The following EEF1A2 variants were observed in gnomAD, a reference collection of about 807,000 sequenced individuals.
EEF1A2 encodes elongation factor 1-alpha 2.
EEF1A2 carries 5 observed loss-of-function variants against 39.3 expected under a neutral mutation model. That is an observed-to-expected ratio of 0.13 (90% CI 0.07 to 0.27). EEF1A2 has a LOEUF of 0.27. EEF1A2 is among the 10% of genes least tolerant of loss of function. The pLI, the probability that EEF1A2 is intolerant of heterozygous loss-of-function variation, is 1.00. For missense variants in EEF1A2, 218 were observed against 681.4 expected (o/e 0.32, Z 7.57); for synonymous variants, 287 against 293.7 (o/e 0.98, Z 0.23).
chr20:63,495,140 C>G (rs928592512), intron 3 of EEF1A2, 39 bp from the exon 4 acceptor site: 1 of 1,593,092 alleles, frequency 6.3e-7, no homozygotes, highest in African/African-American at 1.3e-5. Flanking sequence ...GCCCCGCCTG[C>G]CTGGCAGGGG....
chr20:63,494,531 G>A (rs2082407642), intron 4 of EEF1A2, among the ~76,000 whole-genome samples: 1 of 152,260 alleles, frequency 6.6e-6, no homozygotes, highest in African/African-American at 2.4e-5. Flanking sequence ...CCTGGTGCTG[G>A]AGGCCGCTGC....
intron 4 of EEF1A2, 30 bp downstream of exon 4, chr20:63,494,775 G>T: frequency 6.3e-7 from 1 of 1,590,966 alleles, no homozygotes. Flanking sequence ...GCCAGCTCCC[G>T]TGGCCCGCCC....
At chr20:63,490,792 G>T in intron 5 of EEF1A2, 57 bp from the exon 6 acceptor site, 4 of 1,548,208 alleles carry the variant, frequency 2.6e-6, no homozygotes, top group Non-Finnish European at 2.6e-6. Context: ...GCTGGGGCAG[G>T]ATATTCGGGG....
rs2145940159 is a variant in EEF1A2, at chr20:63,490,681, A to G, written c.827T>C (p.Met276Thr). 2 of 1,610,092 alleles carry G rather than the reference A, an allele frequency of 1.2e-6. No individual in the cohort carries two copies. The highest frequency in any genetic ancestry group is 1.1e-5 in the South Asian group (1 of 91,080). ...GTTCACTGGCGCAAAGGTCACCACC[A>G]TGCCCGGCCGCAGGATGCCGGTCTC... is the stretch of plus-strand genomic sequence containing the variant. ...RVETGILRPG[M>T]VVTFAPVNIT... Residue 276 changes from methionine (M) to threonine (T), a missense_variant, in exon 6 of 8, where the codon ATG (methionine) becomes ACG (threonine). Physicochemically the swap from Met to Thr is moderately conservative, Grantham distance 81. This residue lies in a region of EEF1A2 where 80 missense variants were observed against 295.9 expected (regional missense o/e 0.27). Coordinates refer to ENST00000217182, the MANE Select transcript of EEF1A2 (RefSeq NM_001958.5).
rs147062680 is a variant in EEF1A2, at chr20:63,490,701, G to A, written c.807C>T (p.Thr269=). Residue 269 remains threonine, a synonymous_variant, in exon 6 of 8, where the codon ACC becomes ACT. Coordinates refer to ENST00000217182, the MANE Select transcript of EEF1A2 (RefSeq NM_001958.5). The part of the protein sequence containing the change: ...IGTVPVGRVE[T]GILRPGMVVT... ...CCACCATGCCCGGCCGCAGGATGCC[G>A]GTCTCCACCCGGCCCACGGGCACCG... is the stretch of plus-strand genomic sequence containing the variant. The A allele has an allele frequency of 7.8e-5, 125 of 1,607,034 alleles. No individual in the cohort carries two copies. The highest frequency in any genetic ancestry group is 6.7e-4 in the African/African-American group (50 of 75,018).
rs1757783 is a variant in EEF1A2, at chr20:63,489,216, G to A, written c.1030-64C>T. ...CGGTGGGCACCGGGAGGGCGCCAGA[G>A]CGGGGCTGGGAGGCCCAGTCACCGG... On this transcript the variant is annotated intron_variant, in intron 6 of 7. Transcript: ENST00000217182. The A allele has an allele frequency of 0.029, 44,288 of 1,530,458 alleles. 2,357 individuals carry two copies. The highest frequency in any genetic ancestry group is 0.2 in the African/African-American group (14,966 of 73,380). 94.8% of individuals were successfully genotyped at this position (1,530,458 alleles called of 1,614,324 possible).
At chr20:63,489,321 C>T (rs1002643623) in intron 6 of EEF1A2, among the ~76,000 whole-genome samples, 169 bp from the exon 7 acceptor site, 4 of 152,314 alleles carry the variant, frequency 2.6e-5, no homozygotes, top group Middle Eastern at 3.4e-3. Context: ...CAGACCTGAA[C>T]CTCAACATCC....
rs564393992 is a variant in EEF1A2 at position 63,497,680 on chromosome 20, G to A, written c.84C>T (p.Ile28=). 6.2e-7 allele frequency: 1 copy of A among 1,613,206 alleles called. No individual in the cohort carries two copies. The highest frequency in any genetic ancestry group is 2.2e-5 in the East Asian group (1 of 44,890). The change falls in exon 2 of 8, where the codon ATC becomes ATT. Residue 28 remains isoleucine (I), a synonymous_variant. Coordinates refer to ENST00000217182, the MANE Select transcript of EEF1A2 (RefSeq NM_001958.5). This position sits in a 1 kb window ranked among gnomAD's most constrained non-coding sequence, Gnocchi z 7.3. ...TTTTGTCAATACCTCCGCATTTGTA[G>A]ATGAGGTGGCCCGTGGTGGTGGACT... ...SGKSTTTGHL[I]YKCGGIDKRT...
In EEF1A2 at chr20:63,497,962, G is replaced by A. The variant is rs1431519067; in HGVS notation, c.-71-128C>T. On this transcript the variant is annotated intron_variant, in intron 1 of 7. Transcript: ENST00000217182. The surrounding 1 kb of genome is among the most constrained non-coding windows in gnomAD (Gnocchi z 7.3). ...AAACCAAGCCCCCATGTTTGGTGGG[G>A]AGGGAAGGGCCCCCACCCACAGCTG... 13 of 686,248 alleles carry A rather than the reference G, an allele frequency of 1.9e-5. No homozygotes were observed. Among genetic ancestry groups the A allele is most frequent in the Non-Finnish European group, 3.0e-5 (13 of 439,080 alleles). The allele number at this position is 686,248 out of a possible 1,614,324, so 42.5% of individuals were successfully genotyped here.
intron 3 of EEF1A2, among the ~76,000 whole-genome samples, 163 bp downstream of exon 3, chr20:63,495,693 G>A (rs1486287643): frequency 6.6e-6 from 1 of 152,168 alleles, no homozygotes. Context: ...CATCCTTAGG[G>A]GGGCTCTGAG....
At chr20:63,491,354 G>A (rs1436341932) in intron 5 of EEF1A2, among the ~76,000 whole-genome samples, 1 of 152,202 alleles carries the variant, frequency 6.6e-6, no homozygotes, top group Non-Finnish European at 1.5e-5. Flanking sequence ...TAAACCAATT[G>A]TGCAGCTGCC....
rs1363084121 is a variant in EEF1A2 at position 63,489,302 on chromosome 20, C to T, written c.1030-150G>A. ...CTGGAGGGGGCTCAGGCTCTGAGGA[C>T]CCAGCCCCCAGACCTGAACCTCAAC... is the stretch of plus-strand genomic sequence containing the variant. On this transcript the variant is annotated intron_variant, in intron 6 of 7. Coordinates refer to ENST00000217182, the MANE Select transcript of EEF1A2 (RefSeq NM_001958.5). 1.3e-5 allele frequency: 9 copies of T among 684,952 alleles called. No individual in the cohort carries two copies. The East Asian group carries it at 2.2e-4, about 17-fold the overall frequency. The allele number at this position is 684,952 out of a possible 1,614,324, so 42.4% of individuals were successfully genotyped here.
chr20:63,496,340 C>A (rs569876762), intron 2 of EEF1A2: 235 of 394,310 alleles, frequency 6.0e-4, no homozygotes, highest in African/African-American at 3.7e-3. Context: ...ATGGGATAAA[C>A]CCCTCCCGGG....
chr20:63,492,217 GA>G (rs2082387153), intron 5 of EEF1A2, among the ~76,000 whole-genome samples: 1 of 151,842 alleles, frequency 6.6e-6, no homozygotes, highest in Non-Finnish European at 1.5e-5. Flanking sequence ...TGGATAAATG[GA>G]TGGATGGAAG....
At chr20:63,492,718 GTGGA>G (rs1183691912) in intron 5 of EEF1A2, among the ~76,000 whole-genome samples, 22 of 61,856 alleles carry the variant, frequency 3.6e-4, no homozygotes, top group African/African-American at 5.2e-4. Context: ...GGATGGAGAG[GTGGA>G]TGGATGGATG....
chr20:63,495,150 G>A, intron 3 of EEF1A2, 49 bp from the exon 4 acceptor site: 1 of 1,584,208 alleles, frequency 6.3e-7, no homozygotes, highest in South Asian at 1.1e-5. Flanking sequence ...CCTGGCAGGG[G>A]ACAGAGCGAG....
intron 5 of EEF1A2, among the ~76,000 whole-genome samples, chr20:63,492,170 G>A (rs973986797): frequency 5.2e-3 from 2 of 388 alleles, no homozygotes; most frequent in Admixed American, 0.028. Flanking sequence ...GGATGTATGG[G>A]TGGGTAGGTG....
chr20:63,492,433 G>A (rs1175443314), intron 5 of EEF1A2, among the ~76,000 whole-genome samples: 1 of 151,700 alleles, frequency 6.6e-6, no homozygotes, highest in African/African-American at 2.4e-5. Flanking sequence ...GAGAAGGATG[G>A]ATGGTTGAGA....
intron 5 of EEF1A2, among the ~76,000 whole-genome samples, chr20:63,491,857 G>C (rs2082381185): frequency 6.7e-6 from 1 of 149,418 alleles, no homozygotes; most frequent in Non-Finnish European, 1.5e-5. Context: ...TGAATGGATG[G>C]ATGGGGAGGT....
Sources: gnomAD v4.1 joint callset for allele counts (sites outside exome capture counted in the v4.1 genomes callset) on GRCh38, gnomAD v4.1.1 for gene constraint, gnomAD v4.1.1 regional missense constraint, Gnocchi (gnomAD v3.1) non-coding constraint, MANE v1.5 for transcripts, NCBI Gene and HGNC (gene_info 2026-07-23, HGNC 2026-07-21) for gene names.